OTUD7A: variants seen among roughly 807,000 people sequenced by gnomAD.
OTUD7A encodes OTU domain-containing protein 7A.
In OTUD7A, 12 loss-of-function variants were observed where a neutral mutation model predicts 65.7. That is an observed-to-expected ratio of 0.18 (90% CI 0.12 to 0.30). OTUD7A has a LOEUF of 0.30. Ranked by LOEUF, OTUD7A falls within the 10% of genes least tolerant of loss-of-function variation. The probability of loss-of-function intolerance (pLI) is 1.00; values close to 1 mark genes in which losing one functional copy is unlikely to be tolerated. For synonymous variants in OTUD7A, 641 were observed against 586.3 expected (o/e 1.09, Z -1.35); for missense variants, 1,148 against 1,304.8 (o/e 0.88, Z 1.85).
intron 3 of OTUD7A, among the ~76,000 whole-genome samples, chr15:31,625,401 A>G (rs1354924106): frequency 6.6e-6 from 1 of 151,800 alleles, no homozygotes; most frequent in East Asian, 1.9e-4. Context: ...TCGACTAAAC[A>G]TTCCTGATTT....
intron 1 of OTUD7A, among the ~76,000 whole-genome samples, chr15:31,670,773 C>T (rs1300893836): frequency 2.0e-5 from 3 of 152,062 alleles, no homozygotes; most frequent in East Asian, 3.9e-4. Context: ...GGGCGGATCA[C>T]GAGGTCAGGA....
chr15:31,617,483 CA>C (rs60306792), intron 3 of OTUD7A, among the ~76,000 whole-genome samples: 17 of 143,236 alleles, frequency 1.2e-4, no homozygotes, highest in East Asian at 6.1e-4. Flanking sequence ...GACTCCATGT[CA>C]AAAAAAAAAG....
intron 1 of OTUD7A, among the ~76,000 whole-genome samples, chr15:31,856,528 T>C (rs1270744556): frequency 2.0e-5 from 3 of 152,212 alleles, no homozygotes; most frequent in African/African-American, 4.8e-5. Context: ...AGTGTGGGGT[T>C]TGAGAAGCTC....
chr15:31,646,317 G>A (rs1323129627), intron 3 of OTUD7A, among the ~76,000 whole-genome samples: 1 of 152,142 alleles, frequency 6.6e-6, no homozygotes, highest in East Asian at 1.9e-4. Context: ...CGGGGGAATG[G>A]GGAGGCTTTA....
At chr15:31,691,204 T>C (rs1174427026) in intron 1 of OTUD7A, among the ~76,000 whole-genome samples, 1 of 152,166 alleles carries the variant, frequency 6.6e-6, no homozygotes, top group Non-Finnish European at 1.5e-5. Flanking sequence ...CCCATCAAAA[T>C]ACCAATGACA....
chr15:31,726,560 T>C (rs1469726755), intron 1 of OTUD7A, among the ~76,000 whole-genome samples: 3 of 152,210 alleles, frequency 2.0e-5, no homozygotes, highest in Non-Finnish European at 4.4e-5. Context: ...TGTACCCCAT[T>C]AGCAACCTGG....
At chr15:31,509,810 T>C (rs552700455) in intron 8 of OTUD7A, among the ~76,000 whole-genome samples, 1 of 152,090 alleles carries the variant, frequency 6.6e-6, no homozygotes, top group Non-Finnish European at 1.5e-5. Context: ...TTATAGACAA[T>C]TTTTAACATG....
chr15:31,574,969 G>A (rs1049245436), intron 3 of OTUD7A, among the ~76,000 whole-genome samples: 1 of 152,120 alleles, frequency 6.6e-6, no homozygotes. Flanking sequence ...AGCTTAGCCT[G>A]CTTGCCGTGC....
intron 1 of OTUD7A, among the ~76,000 whole-genome samples, chr15:31,801,699 G>A (rs558933441): frequency 5.9e-5 from 9 of 152,134 alleles, no homozygotes; most frequent in African/African-American, 1.9e-4. Flanking sequence ...AGAAATATGA[G>A]GTTTACTATT....
intron 2 of OTUD7A, among the ~76,000 whole-genome samples, 189 bp downstream of exon 2, chr15:31,656,794 C>A (rs576347195): frequency 7.2e-5 from 11 of 152,024 alleles, no homozygotes; most frequent in African/African-American, 2.2e-4. Context: ...CCTCTCTGAG[C>A]CCTCCTGATT....
intron 5 of OTUD7A, chr15:31,558,170 C>T (rs1888559801): frequency 1.3e-5 from 2 of 152,340 alleles, no homozygotes; most frequent in South Asian, 2.1e-4. Flanking sequence ...CACATGCGTG[C>T]CTGAGAAACC....
intron 1 of OTUD7A, among the ~76,000 whole-genome samples, chr15:31,758,863 T>C (rs1001123557): frequency 2.0e-5 from 3 of 151,916 alleles, no homozygotes; most frequent in African/African-American, 4.9e-5. Context: ...GCTTTTTTAA[T>C]GTCCTGATTT....
At chr15:31,566,374 A>G (rs1888875167) in intron 4 of OTUD7A, among the ~76,000 whole-genome samples, 3 of 152,192 alleles carry the variant, frequency 2.0e-5, no homozygotes, top group Admixed American at 2.0e-4. Flanking sequence ...ATACATATAG[A>G]GGAAATATAT....
At chr15:31,654,476 T>C (rs1891929097) in intron 3 of OTUD7A, among the ~76,000 whole-genome samples, 1 of 152,124 alleles carries the variant, frequency 6.6e-6, no homozygotes, top group African/African-American at 2.4e-5. Context: ...GTTTATACAT[T>C]TGAAGTAAAG....
chr15:31,570,234 C>T (rs12915326), intron 3 of OTUD7A, 37 bp from the exon 4 acceptor site: 372,432 of 1,601,910 alleles, frequency 0.23, 50,832 homozygotes, highest in African/African-American at 0.64. Context: ...ACAATACGAA[C>T]GCATGAATAA....
intron 8 of OTUD7A, among the ~76,000 whole-genome samples, chr15:31,507,634 T>TGGGGGGGG: frequency 1.4e-5 from 1 of 69,458 alleles, no homozygotes; most frequent in African/African-American, 6.7e-5. Flanking sequence ...CGCTGCTGGC[T>TGGGGGGGG]GGGGGGCGGG....
At chr15:31,732,045 G>A (rs1418821312) in intron 1 of OTUD7A, among the ~76,000 whole-genome samples, 1 of 152,150 alleles carries the variant, frequency 6.6e-6, no homozygotes, top group Non-Finnish European at 1.5e-5. Context: ...CTAAAGGTGG[G>A]CTAAGCTCTC....
At chr15:31,856,097 G>C (rs1897564772) in intron 1 of OTUD7A, among the ~76,000 whole-genome samples, 2 of 152,152 alleles carry the variant, frequency 1.3e-5, no homozygotes, top group East Asian at 3.8e-4. Flanking sequence ...TAAGAAATAA[G>C]ACATGTAACT....
Position 31,520,944 on chromosome 15 carries a change from G to A in OTUD7A, c.893+5405C>T, listed in dbSNP as rs2041928373. On this transcript the variant is annotated intron_variant, in intron 8 of 12. Coordinates refer to ENST00000307050, the MANE Select transcript of OTUD7A (RefSeq NM_001382637.1). ...TATATATACCATGGAATATGACTCA[G>A]CCATAAAAAAGAATGGAATCCTGTC... 2.0e-5 allele frequency among the ~76,000 whole-genome samples: 3 copies of A among 152,306 alleles called. No homozygotes were observed. The South Asian group carries it at 6.2e-4, about 32-fold the overall frequency.
Sources: allele counts gnomAD v4.1 joint callset (sites outside exome capture counted in the v4.1 genomes callset), GRCh38; gene constraint gnomAD v4.1.1; transcripts MANE v1.5; gene names NCBI Gene and HGNC (gene_info 2026-07-23, HGNC 2026-07-21).